The following PRAG1 variants were observed in gnomAD, a reference collection of about 807,000 sequenced individuals.
PRAG1 encodes inactive tyrosine-protein kinase PRAG1.
Under a neutral mutation model 95.6 loss-of-function variants are expected in PRAG1, and 110 were observed. That is an observed-to-expected ratio of 1.15 (90% CI 0.99 to 1.35). PRAG1 has a LOEUF of 1.35. PRAG1 is among the 40% of genes most tolerant of loss of function. The pLI, the probability that PRAG1 is intolerant of heterozygous loss-of-function variation, is 0.00. For synonymous variants in PRAG1, 1,052 were observed against 819.4 expected, an observed-to-expected ratio of 1.28 and a Z score of -4.85; for missense variants, 2,554 against 1,864.7, an observed-to-expected ratio of 1.37 and a Z score of -6.81.
At chr8:8,381,910 C>T (rs1000347174) in intron 1 of PRAG1, 76 bp from the exon 2 acceptor site, 1 of 575,680 alleles carries the variant, frequency 1.7e-6, no homozygotes, top group East Asian at 2.9e-5. Flanking sequence ...TAGAGTCTCA[C>T]TATTTGATCA....
intron 3 of PRAG1, among the ~76,000 whole-genome samples, chr8:8,352,956 G>A (rs1230562180): frequency 6.6e-6 from 1 of 152,092 alleles, no homozygotes; most frequent in Non-Finnish European, 1.5e-5. Flanking sequence ...AGTCAAAAAT[G>A]GTTACAAGAG....
chr8:8,338,201 A>T (rs1799051313), intron 4 of PRAG1, among the ~76,000 whole-genome samples: 1 of 151,844 alleles, frequency 6.6e-6, no homozygotes, highest in Non-Finnish European at 1.5e-5. Flanking sequence ...TATCCCATCC[A>T]CCCATGTACC....
chr8:8,346,248 C>G (rs910628537), intron 3 of PRAG1, among the ~76,000 whole-genome samples: 10 of 152,226 alleles, frequency 6.6e-5, no homozygotes, highest in Non-Finnish European at 1.3e-4. Context: ...GGACAAAAAC[C>G]TCATACTCCA....
chr8:8,357,371 A>G (rs1219130652), intron 3 of PRAG1, among the ~76,000 whole-genome samples: 1 of 152,220 alleles, frequency 6.6e-6, no homozygotes, highest in East Asian at 1.9e-4. Context: ...AACTGGTCAA[A>G]GAACTTAAAT....
chr8:8,377,423 G>T lies in PRAG1; in HGVS notation c.986C>A (p.Ser329Tyr), dbSNP rs902545375. The T allele has an allele frequency of 6.4e-7, 1 of 1,565,344 alleles. No homozygotes were observed. The highest frequency in any genetic ancestry group is 1.2e-5 in the South Asian group (1 of 82,066). The change falls in exon 3 of 6, where the codon TCC (serine) becomes TAC (tyrosine). Residue 329 changes from serine (S) to tyrosine (Y), a missense_variant. Physicochemically the swap from Ser to Tyr is moderately radical, Grantham distance 144. Transcript: ENST00000615670. ...AGAAATGGCAGCCTCCGAGGTGAGG[G>T]ACAGTTTCTTGGGGCCCAGGCAGGA... ...HPSCLGPKKL[S>Y]LTSEAAISSD... is the part of the protein sequence containing the mutation.
chr8:8,369,411 G>C (rs918695260), intron 3 of PRAG1, among the ~76,000 whole-genome samples: 1 of 152,186 alleles, frequency 6.6e-6, no homozygotes, highest in Non-Finnish European at 1.5e-5. Context: ...CCTGTACAGA[G>C]TACTGGGGCA....
chr8:8,355,838 G>C (rs541825660), intron 3 of PRAG1, among the ~76,000 whole-genome samples: 7 of 152,076 alleles, frequency 4.6e-5, no homozygotes, highest in Non-Finnish European at 1.5e-5. Flanking sequence ...AAAGAACATA[G>C]GAAAATCTAT....
At chr8:8,350,031 A>T (rs1020426150) in intron 3 of PRAG1, among the ~76,000 whole-genome samples, 1 of 152,158 alleles carries the variant, frequency 6.6e-6, no homozygotes, top group Non-Finnish European at 1.5e-5. Flanking sequence ...GTCAAGGATA[A>T]AAATTCTTAA....
At chr8:8,343,819 C>T (rs1194928645) in intron 3 of PRAG1, among the ~76,000 whole-genome samples, 6 of 152,076 alleles carry the variant, frequency 3.9e-5, no homozygotes, top group African/African-American at 4.8e-5. Flanking sequence ...TGCATGTGGG[C>T]AATCAGTTAC....
In PRAG1 at chr8:8,318,833, C is replaced by G. The variant is rs1411834888; in HGVS notation, c.3542G>C (p.Cys1181Ser). The G allele has an allele frequency of 2.5e-6, 3 of 1,189,802 alleles. No individual in the cohort carries two copies. Among genetic ancestry groups the G allele is most frequent in the Admixed American group, 6.3e-5 (1 of 15,794 alleles). The allele number at this position is 1,189,802 out of a possible 1,614,324, so 73.7% of individuals were successfully genotyped here. A position where few individuals can be genotyped will look rare whatever the true frequency, so the allele number is the denominator to read the frequency against. The change falls in exon 6 of 6, where the codon TGC becomes TCC. Residue 1181 changes from cysteine (C) to serine (S), a missense_variant. Transcript: ENST00000615670. The surrounding 1 kb of genome is among the most constrained non-coding windows in gnomAD (Gnocchi z 4.2). ...APAPAAAAPP[C>S]SSAAPPAGGT... ...ACCAGCAGGCGGGGCGGCAGAGGAG[C>G]AGGGAGGCGCGGCGGCGGCGGGGGC...
intron 5 of PRAG1, 47 bp downstream of exon 5, chr8:8,327,663 G>C: frequency 6.4e-7 from 1 of 1,570,634 alleles, no homozygotes; most frequent in East Asian, 2.3e-5. Flanking sequence ...GCCCAAGCCA[G>C]CACCAGCCAG....
At chr8:8,369,595 C>G (rs1006035768) in intron 3 of PRAG1, among the ~76,000 whole-genome samples, 1 of 152,122 alleles carries the variant, frequency 6.6e-6, no homozygotes, top group African/African-American at 2.4e-5. Context: ...ATTTCTTGAA[C>G]ATCTACTACA....
At chr8:8,339,137 T>A (rs1585234637) in intron 4 of PRAG1, among the ~76,000 whole-genome samples, 1 of 152,036 alleles carries the variant, frequency 6.6e-6, no homozygotes, top group East Asian at 1.9e-4. Flanking sequence ...ATAGTGAGAA[T>A]GTGTGGTTTA....
chr8:8,332,059 C>A (rs1295623881), intron 4 of PRAG1, among the ~76,000 whole-genome samples: 1 of 152,142 alleles, frequency 6.6e-6, no homozygotes, highest in African/African-American at 2.4e-5. Flanking sequence ...CCTTGCCCAG[C>A]AGAAGTAAAG....
At chr8:8,353,305 G>T (rs1436414974) in intron 3 of PRAG1, among the ~76,000 whole-genome samples, 2 of 151,904 alleles carry the variant, frequency 1.3e-5, no homozygotes, top group Non-Finnish European at 2.9e-5. Context: ...CACATGTTGG[G>T]CCATAAAACA....
Position 8,329,158 on chromosome 8 carries a change from T to A in PRAG1, c.2321-697A>T, listed in dbSNP as rs1798742218. ...TTGTAATCCCAGCACTTTGGGAGGCTGAGGTGGACGGATCACTTGAGCTCA... is the reference window on the plus strand; with the variant it reads ...TTGTAATCCCAGCACTTTGGGAGGCAGAGGTGGACGGATCACTTGAGCTCA... On this transcript the variant is annotated intron_variant, in intron 4 of 5. Coordinates refer to ENST00000615670, the MANE Select transcript of PRAG1 (RefSeq NM_001080826.3). Among the ~76,000 whole-genome samples, 3 of 152,048 alleles carry A rather than the reference T, an allele frequency of 2.0e-5. No homozygotes were observed. The South Asian group carries it at 6.2e-4, about 32-fold the overall frequency.
chr8:8,380,445 A>G (rs1800595395), intron 2 of PRAG1, among the ~76,000 whole-genome samples: 1 of 152,114 alleles, frequency 6.6e-6, no homozygotes, highest in South Asian at 2.1e-4. Flanking sequence ...CTAAAAATAC[A>G]AAGATTAGTT....
In PRAG1 at chr8:8,345,331, T is replaced by C. The variant is rs147665158; in HGVS notation, c.2163-5696A>G. Reference sequence around the variant, plus strand: ...GGATCACTTGAGCCTGGAAGTTTGATACCAGCCTAAGCAACATAGTGAGAC... The same window carrying C: ...GGATCACTTGAGCCTGGAAGTTTGACACCAGCCTAAGCAACATAGTGAGAC... On this transcript the variant is annotated intron_variant, in intron 3 of 5. Coordinates refer to ENST00000615670, the MANE Select transcript of PRAG1 (RefSeq NM_001080826.3). Among the ~76,000 whole-genome samples, 974 of 121,216 alleles carry C rather than the reference T, an allele frequency of 8.0e-3. 41 individuals are homozygous for C. The highest frequency in any genetic ancestry group is 0.079 in the Admixed American group (855 of 10,856). The allele number at this position is 121,216 out of a possible 152,430, so 79.5% of individuals were successfully genotyped here. A position where few individuals can be genotyped will look rare whatever the true frequency, so the allele number is the denominator to read the frequency against.
chr8:8,369,373 T>C (rs1800115805), intron 3 of PRAG1, among the ~76,000 whole-genome samples: 2 of 152,208 alleles, frequency 1.3e-5, no homozygotes, highest in South Asian at 4.1e-4. Context: ...TAACAAAAGA[T>C]ACACTGTGTT....
Sources: gnomAD v4.1 joint callset for allele counts (sites outside exome capture counted in the v4.1 genomes callset) on GRCh38, gnomAD v4.1.1 for gene constraint, Gnocchi (gnomAD v3.1) non-coding constraint, MANE v1.5 for transcripts, NCBI Gene and HGNC (gene_info 2026-07-23, HGNC 2026-07-21) for gene names.